Variants in DPP10 observed in about 807,000 individuals in gnomAD.
DPP10 encodes inactive dipeptidyl peptidase 10.
A neutral mutation model predicts 120.9 loss-of-function variants in DPP10; 33 were observed. The ratio of observed to expected loss-of-function variants is 0.27; its 90% confidence interval spans 0.21 to 0.37. DPP10 has a LOEUF of 0.37. DPP10 is among the 10% of genes least tolerant of loss of function. The probability of loss-of-function intolerance (pLI) is 1.00; values close to 1 mark genes in which losing one functional copy is unlikely to be tolerated. For synonymous variants in DPP10, 337 were observed against 326.1 expected (o/e 1.03, Z -0.36); for missense variants, 816 against 942.8 (o/e 0.87, Z 1.76).
intron 21 of DPP10, among the ~76,000 whole-genome samples, chr2:115,826,525 A>G (rs1406128743): frequency 6.6e-6 from 1 of 152,134 alleles, no homozygotes; most frequent in Non-Finnish European, 1.5e-5. Context: ...GTTCGAGACC[A>G]GCCTGGCCAA....
intron 1 of DPP10, among the ~76,000 whole-genome samples, chr2:115,212,294 A>G (rs1398968481): frequency 1.3e-5 from 2 of 152,178 alleles, no homozygotes; most frequent in African/African-American, 4.8e-5. Flanking sequence ...TATATTAAGC[A>G]AAGATTATCG....
chr2:115,582,958 C>G (rs1474907503), intron 5 of DPP10, among the ~76,000 whole-genome samples: 2 of 152,140 alleles, frequency 1.3e-5, no homozygotes, highest in Non-Finnish European at 2.9e-5. Flanking sequence ...TCTCTCTTCC[C>G]TATAATTAAA....
chr2:114,795,295 C>A (rs1205062659), intron 1 of DPP10, among the ~76,000 whole-genome samples: 1 of 150,572 alleles, frequency 6.6e-6, no homozygotes, highest in Non-Finnish European at 1.5e-5. Context: ...CCAACCTAGC[C>A]AACATGGTGA....
chr2:115,590,737 C>T (rs752770885), intron 5 of DPP10, among the ~76,000 whole-genome samples: 2 of 152,172 alleles, frequency 1.3e-5, no homozygotes, highest in Non-Finnish European at 2.9e-5. Flanking sequence ...CTTGAGGAAT[C>T]GCCACACTGT....
At chr2:114,569,944 T>C (rs996581685) in intron 1 of DPP10, among the ~76,000 whole-genome samples, 1 of 152,212 alleles carries the variant, frequency 6.6e-6, no homozygotes, top group Non-Finnish European at 1.5e-5. Flanking sequence ...TATCTGTCAA[T>C]CTATCATCTA....
At chr2:115,239,368 C>T (rs1272473213) in intron 1 of DPP10, among the ~76,000 whole-genome samples, 5 of 152,246 alleles carry the variant, frequency 3.3e-5, no homozygotes, top group South Asian at 2.1e-4. Context: ...CAAAATCCAT[C>T]GTCTTAATTT....
chr2:115,403,114 A>G (rs1013587751), intron 3 of DPP10, among the ~76,000 whole-genome samples: 3 of 151,562 alleles, frequency 2.0e-5, no homozygotes, highest in Non-Finnish European at 4.4e-5. Flanking sequence ...GGTTCAAAAT[A>G]TGCAGATCAA....
At chr2:115,249,801 G>A (rs2058679657) in intron 1 of DPP10, among the ~76,000 whole-genome samples, 1 of 152,150 alleles carries the variant, frequency 6.6e-6, no homozygotes, top group South Asian at 2.1e-4. Flanking sequence ...TCCAGGAAAG[G>A]AAGAGTAAAT....
At chr2:115,449,678 T>C (rs2072940698) in intron 3 of DPP10, among the ~76,000 whole-genome samples, 1 of 152,040 alleles carries the variant, frequency 6.6e-6, no homozygotes, top group Admixed American at 6.6e-5. Context: ...GACGGAGACT[T>C]TGATTGCCAT....
intron 1 of DPP10, among the ~76,000 whole-genome samples, chr2:114,896,427 G>A (rs1371220322): frequency 6.6e-6 from 1 of 152,016 alleles, no homozygotes; most frequent in African/African-American, 2.4e-5. Context: ...GTGTTTTGTA[G>A]TTCTCCTTGA....
intron 1 of DPP10, among the ~76,000 whole-genome samples, chr2:114,800,696 T>C (rs1471628562): frequency 6.6e-6 from 1 of 152,188 alleles, no homozygotes; most frequent in Non-Finnish European, 1.5e-5. Flanking sequence ...GAGGTACATA[T>C]TGCTTCTCCG....
intron 5 of DPP10, among the ~76,000 whole-genome samples, chr2:115,553,481 CTT>C (rs1228330786): frequency 6.6e-6 from 1 of 151,796 alleles, no homozygotes; most frequent in African/African-American, 2.4e-5. Flanking sequence ...AAATGTGAAA[CTT>C]TTTTATTTGA....
At chr2:115,222,153 A>G (rs1376140329) in intron 1 of DPP10, among the ~76,000 whole-genome samples, 2 of 152,104 alleles carry the variant, frequency 1.3e-5, no homozygotes, top group Non-Finnish European at 2.9e-5. Context: ...AAGAACTCTA[A>G]TATCTTTAGA....
chr2:115,230,432 G>T (rs1223765912), intron 1 of DPP10, among the ~76,000 whole-genome samples: 6 of 151,850 alleles, frequency 4.0e-5, no homozygotes, highest in African/African-American at 1.4e-4. Flanking sequence ...GATTGATTTA[G>T]CTAGGACTTC....
intron 1 of DPP10, among the ~76,000 whole-genome samples, chr2:114,668,657 T>G (rs565599437): frequency 7.2e-5 from 11 of 152,288 alleles, no homozygotes; most frequent in African/African-American, 2.4e-4. Flanking sequence ...AACCTGATAC[T>G]TGTTTATAAT....
rs1687631646 is a variant in DPP10 at position 114,548,787 on chromosome 2, TC to T, written c.60+105951del. ...ATCCTTTCTCTCCACGCCTGAGTGT[TC>T]CTATGGCACCAGTTGCTTGTAATGG... On this transcript the variant is annotated intron_variant, in intron 1 of 25. Coordinates refer to ENST00000410059, the MANE Select transcript of DPP10 (RefSeq NM_020868.6). Among the ~76,000 whole-genome samples, 3 of 152,290 alleles carry T rather than the reference TC, an allele frequency of 2.0e-5. No individual in the cohort carries two copies. The South Asian group carries it at 6.2e-4, about 32-fold the overall frequency.
intron 3 of DPP10, among the ~76,000 whole-genome samples, chr2:115,403,455 A>G (rs1452659822): frequency 7.6e-6 from 1 of 130,916 alleles, no homozygotes; most frequent in Non-Finnish European, 1.6e-5. Context: ...GCTGGAATTC[A>G]GTGGCATAAT....
At position 115,408,207 on chromosome 2, in the gene DPP10, T is replaced by G. The variant is rs564424631; in HGVS notation, c.271+64295T>G. Among the ~76,000 whole-genome samples the G allele has an allele frequency of 1.5e-3, 224 of 152,086 alleles. 2 individuals are homozygous for G. The highest frequency in any genetic ancestry group is 5.3e-3 in the African/African-American group (218 of 41,494). On this transcript the variant is annotated intron_variant, in intron 3 of 25. Transcript: ENST00000410059. ...TATGCCCCATCTCCCCTGCTGTCAG[T>G]AAACTTTGACAGGAACAGGAACTTT...
At chr2:115,158,376 G>T (rs1243653463) in intron 1 of DPP10, among the ~76,000 whole-genome samples, 1 of 152,152 alleles carries the variant, frequency 6.6e-6, no homozygotes, top group Non-Finnish European at 1.5e-5. Context: ...GCAAGAGAAA[G>T]AAAGACATTG....
Sources: allele counts gnomAD v4.1 joint callset (sites outside exome capture counted in the v4.1 genomes callset), GRCh38; gene constraint gnomAD v4.1.1; transcripts MANE v1.5; gene names NCBI Gene and HGNC (gene_info 2026-07-23, HGNC 2026-07-21).